The following RGPD2 variants were observed in gnomAD, a reference collection of about 807,000 sequenced individuals.
RGPD2 encodes the protein RANBP2 like and GRIP domain containing 2, also known as RANBP2-like and GRIP domain-containing protein 2.
In RGPD2, 2 loss-of-function variants were observed where a neutral mutation model predicts 36.0. The ratio of observed to expected loss-of-function variants is 0.06; its 90% CI spans 0.02 to 0.17. The LOEUF is 0.17. Among genes scored for constraint, RGPD2 ranks in the 10% least tolerant of loss-of-function variants. The probability of loss-of-function intolerance (pLI) is 1.00; values close to 1 mark genes in which losing one functional copy is unlikely to be tolerated. For missense variants in RGPD2, 40 were observed against 464.3 expected (o/e 0.09, Z 8.40); for synonymous variants, 19 against 163.8 (o/e 0.12, Z 6.75).
the RGPD2 span, among the ~76,000 whole-genome samples, chr2:87,842,315 C>T: frequency 2.7e-5 from 4 of 146,882 alleles, no homozygotes; most frequent in South Asian, 4.3e-4. Context: ...AAAACCACAT[C>T]GTCTCAGCCC....
At chr2:87,824,859 C>G (rs1003642973) in intron 1 of RGPD2, 1 of 66,584 alleles carries the variant, frequency 1.5e-5, no homozygotes, top group African/African-American at 5.2e-5. Flanking sequence ...AGGCCGAGGC[C>G]GAGGCCGCCG....
At chr2:87,952,353 T>G in the RGPD2 span, among the ~76,000 whole-genome samples, 1 of 152,174 alleles carries the variant, frequency 6.6e-6, no homozygotes, top group African/African-American at 2.4e-5. Flanking sequence ...AAGGTGAAAC[T>G]TAATATTAGA....
the RGPD2 span, chr2:87,985,950 T>C: frequency 7.1e-7 from 1 of 1,416,224 alleles, no homozygotes; most frequent in Non-Finnish European, 9.7e-7. Flanking sequence ...GTATTCTTAC[T>C]CTGCATGCAT....
the RGPD2 span, among the ~76,000 whole-genome samples, chr2:87,871,560 G>A: frequency 6.8e-6 from 1 of 146,518 alleles, no homozygotes; most frequent in Non-Finnish European, 1.5e-5. Flanking sequence ...GAGAAGGGAG[G>A]GTGAGAGTAA....
chr2:87,818,744 G>GT (rs1392323471), intron 1 of RGPD2, 121 bp from the exon 2 acceptor site: 56 of 534,744 alleles, frequency 1.0e-4, no homozygotes, highest in Admixed American at 7.1e-4. Context: ...TCACTTAAAA[G>GT]TTTTTTTTAA....
At chr2:87,825,612 C>CCGCCCGGCCAGGTCGAGGCCGT in intron 1 of RGPD2, 46 bp downstream of exon 1, 1 of 1,425,056 alleles carries the variant, frequency 7.0e-7, no homozygotes, top group African/African-American at 1.5e-5. Context: ...GTCGAGGCCG[C>CCGCCCGGCCAGGTCGAGGCCGT]CGCCCGGCCA....
At chr2:87,873,106 C>T in the RGPD2 span, among the ~76,000 whole-genome samples, 1 of 152,216 alleles carries the variant, frequency 6.6e-6, no homozygotes, top group Non-Finnish European at 1.5e-5. Context: ...GTTTTCTGTT[C>T]CTGCATTAGT....
the RGPD2 span, among the ~76,000 whole-genome samples, chr2:87,929,599 G>A: frequency 1.3e-5 from 2 of 151,422 alleles, no homozygotes; most frequent in Non-Finnish European, 2.9e-5. Context: ...CCAGTTCTGT[G>A]AAGAATATGA....
chr2:87,844,842 T>C, the RGPD2 span, among the ~76,000 whole-genome samples: 2 of 140,314 alleles, frequency 1.4e-5, no homozygotes, highest in African/African-American at 5.2e-5. Flanking sequence ...AAATTATTGA[T>C]TTTGTATATT....
intron 4 of RGPD2, among the ~76,000 whole-genome samples, chr2:87,815,027 GAAGTA>G (rs1341083720): frequency 9.6e-6 from 1 of 104,274 alleles, no homozygotes; most frequent in Non-Finnish European, 1.8e-5. Flanking sequence ...ATAGTGAAGA[GAAGTA>G]AATAGCATGA....
chr2:87,982,817 C>T, the RGPD2 span, among the ~76,000 whole-genome samples: 1 of 23,920 alleles, frequency 4.2e-5, no homozygotes, highest in Non-Finnish European at 1.2e-4. Context: ...AACATGGAAA[C>T]GCGAGGGGGC....
At chr2:87,973,230 G>T in the RGPD2 span, 2 of 1,610,056 alleles carry the variant, frequency 1.2e-6, no homozygotes, top group Non-Finnish European at 8.5e-7. Context: ...CTCATCAGGA[G>T]GGTGAGCCTG....
the RGPD2 span, among the ~76,000 whole-genome samples, chr2:87,937,158 A>G: frequency 6.6e-6 from 1 of 151,874 alleles, no homozygotes; most frequent in East Asian, 1.9e-4. Context: ...AAAATACAAT[A>G]TGTTAGCTAA....
intron 6 of RGPD2, among the ~76,000 whole-genome samples, chr2:87,807,380 G>GTTTTTTTTT (rs992462711): frequency 1.5e-4 from 12 of 81,966 alleles, no homozygotes; most frequent in East Asian, 3.6e-4. Flanking sequence ...GCGTTAAATT[G>GTTTTTTTTT]TTTTTTTTTT....
chr2:87,847,788 C>T, the RGPD2 span, among the ~76,000 whole-genome samples: 33 of 144,726 alleles, frequency 2.3e-4, no homozygotes, highest in African/African-American at 8.3e-4. Context: ...TGAGCCACCG[C>T]GCCCGGTCCT....
the RGPD2 span, among the ~76,000 whole-genome samples, chr2:87,903,568 A>G: frequency 6.6e-6 from 1 of 151,908 alleles, no homozygotes; most frequent in Non-Finnish European, 1.5e-5. Flanking sequence ...CCCCAGACAT[A>G]TGATAAGTAT....
At chr2:87,836,178 G>C in the RGPD2 span, among the ~76,000 whole-genome samples, 1 of 151,236 alleles carries the variant, frequency 6.6e-6, no homozygotes, top group Non-Finnish European at 1.5e-5. Context: ...CATAGTCCTT[G>C]ATCCTCCAAG....
the RGPD2 span, among the ~76,000 whole-genome samples, chr2:87,865,230 G>A: frequency 8.5e-5 from 13 of 152,146 alleles, no homozygotes; most frequent in African/African-American, 2.4e-4. Flanking sequence ...TTTGGTAGGA[G>A]GAAGTTTTTG....
chr2:87,986,793 T>C, the RGPD2 span, among the ~76,000 whole-genome samples: 45 of 150,458 alleles, frequency 3.0e-4, no homozygotes, highest in African/African-American at 1.1e-3. Context: ...GGCAGGAGAA[T>C]CACCTGAACC....
Sources: gnomAD v4.1 joint callset for allele counts (sites outside exome capture counted in the v4.1 genomes callset) on GRCh38, gnomAD v4.1.1 for gene constraint, MANE v1.5 for transcripts, NCBI Gene and HGNC (gene_info 2026-07-23, HGNC 2026-07-21) for gene names.